HMCN1: variants seen among roughly 807,000 people sequenced by gnomAD.
The protein encoded by HMCN1 is hemicentin 1, also known as hemicentin-1.
A neutral mutation model predicts 625.9 loss-of-function variants in HMCN1; 321 were observed. The ratio of observed to expected loss-of-function variants is 0.51; its 90% CI spans 0.47 to 0.56. The LOEUF (loss-of-function observed/expected upper bound fraction) is 0.56, where lower values mean the gene tolerates loss of function less well. HMCN1 is among the 20% of genes least tolerant of loss of function. The probability of loss-of-function intolerance (pLI) is 0.00; values close to 1 mark genes in which losing one functional copy is unlikely to be tolerated. For missense variants in HMCN1, 6,588 were observed against 6,887.3 expected (o/e 0.96, Z 1.54); for synonymous variants, 2,425 against 2,417.6 (o/e 1.00, Z -0.09).
chr1:186,085,888 C>T (rs1031282664), intron 57 of HMCN1, among the ~76,000 whole-genome samples: 1 of 152,112 alleles, frequency 6.6e-6, no homozygotes, highest in Non-Finnish European at 1.5e-5. Flanking sequence ...TCCTTCTCTA[C>T]AGCACTTAAG....
intron 1 of HMCN1, among the ~76,000 whole-genome samples, chr1:185,778,301 A>G (rs1656767320): frequency 6.6e-6 from 1 of 151,946 alleles, no homozygotes; most frequent in South Asian, 2.1e-4. Flanking sequence ...TTCTCTATGA[A>G]GGCTTCCCAT....
At chr1:186,116,740 G>A (rs1661153394) in intron 75 of HMCN1, among the ~76,000 whole-genome samples, 2 of 152,064 alleles carry the variant, frequency 1.3e-5, no homozygotes, top group South Asian at 4.1e-4. Flanking sequence ...GAGAATGTAA[G>A]ATTCCCTCTT....
In HMCN1 at chr1:185,977,862, T is replaced by C. The variant is rs1373025751; in HGVS notation, c.2447T>C (p.Val816Ala). 3.3e-5 allele frequency: 54 copies of C among 1,613,132 alleles called. No homozygotes were observed. The highest frequency in any genetic ancestry group is 4.3e-5 in the Non-Finnish European group (51 of 1,179,414). The change falls in exon 16 of 107, where the codon GTT becomes GCT. Residue 816 changes from valine (V) to alanine (A), a missense_variant. Physicochemically the swap from Val to Ala is moderately conservative, Grantham distance 64. Around this residue, in one of 3 missense-constraint regions of HMCN1, gnomAD observed 4,628 missense variants for 4,853.1 expected, o/e 0.95. Transcript: ENST00000271588. ...TCAAATGTGACATTACCTTGTTATGTTCAGGGTTATCCAGAACCAACAATC... is the reference window on the plus strand; with the variant it reads ...TCAAATGTGACATTACCTTGTTATGCTCAGGGTTATCCAGAACCAACAATC... ...IGSNVTLPCY[V>A]QGYPEPTIKW...
At position 186,015,310 on chromosome 1, in the gene HMCN1, A is replaced by G. The variant is rs78613732; in HGVS notation, c.4782A>G (p.Ala1594=). 4.3e-4 allele frequency: 700 copies of G among 1,613,842 alleles called. 4 individuals are homozygous for G. In the African/African-American group the frequency reaches 8.0e-3, roughly 18 times the overall value. ...DGQPIMSSSQ[A]LYIDKGQYLH... is the part of the protein sequence containing the mutation. Reference sequence around the variant, plus strand: ...AGCCAATCATGTCCAGCTCACAAGCACTTTATATTGATAAAGGACAATATC... The same window carrying G: ...AGCCAATCATGTCCAGCTCACAAGCGCTTTATATTGATAAAGGACAATATC... The change falls in exon 31 of 107, where the codon GCA becomes GCG. Residue 1594 remains alanine, a synonymous_variant. Transcript: ENST00000271588.
rs534733181 is a variant in HMCN1, at chr1:185,866,451, C to T, written c.621+588C>T. Among the ~76,000 whole-genome samples, 4 of 130,824 alleles carry T rather than the reference C, an allele frequency of 3.1e-5. No homozygotes were observed. The South Asian group carries it at 9.6e-4, about 31-fold the overall frequency. 85.8% of individuals were successfully genotyped at this position (130,824 alleles called of 152,430 possible). On this transcript the variant is annotated intron_variant, in intron 4 of 106. Coordinates refer to ENST00000271588, the MANE Select transcript of HMCN1 (RefSeq NM_031935.3). ...GTGAAGTCTCGCTCTGTCACCTAGG[C>T]TGGAGTGCAGTGGCACAATCTCAGC...
chr1:186,071,020 T>C (rs1209292707), intron 52 of HMCN1, among the ~76,000 whole-genome samples: 2 of 152,216 alleles, frequency 1.3e-5, no homozygotes, highest in African/African-American at 4.8e-5. Flanking sequence ...TTAATTAATA[T>C]ACAATTGTAA....
intron 4 of HMCN1, among the ~76,000 whole-genome samples, chr1:185,886,867 G>A (rs1181897225): frequency 6.6e-6 from 1 of 152,052 alleles, no homozygotes; most frequent in African/African-American, 2.4e-5. Flanking sequence ...CAGTTGAATG[G>A]TGTCCAAATA....
At chr1:186,089,083 A>G (rs1025069663) in intron 63 of HMCN1, among the ~76,000 whole-genome samples, 1 of 152,014 alleles carries the variant, frequency 6.6e-6, no homozygotes, top group Non-Finnish European at 1.5e-5. Flanking sequence ...TGGTAAGCCT[A>G]TAGATCTGTT....
At chr1:185,802,010 G>T (rs550965505) in intron 1 of HMCN1, among the ~76,000 whole-genome samples, 1 of 152,286 alleles carries the variant, frequency 6.6e-6, no homozygotes, top group East Asian at 1.9e-4. Context: ...TGGAAGAAAT[G>T]TTAGGGCTCT....
In HMCN1 at chr1:186,121,636, A is replaced by T. The variant is rs571775643; in HGVS notation, c.12230-1315A>T. On this transcript the variant is annotated intron_variant, in intron 80 of 106. Transcript: ENST00000271588. Reference sequence around the variant, plus strand: ...ACCATGATTTCTGTTTAATTTTATTAAATATGGGAAACTATTAGAAATCCT... The same window carrying T: ...ACCATGATTTCTGTTTAATTTTATTTAATATGGGAAACTATTAGAAATCCT... Among the ~76,000 whole-genome samples the T allele has an allele frequency of 3.9e-5, 6 of 152,300 alleles. No homozygotes were observed. The South Asian group carries it at 1.0e-3, about 26-fold the overall frequency.
At chr1:186,132,243 CAA>C in intron 85 of HMCN1, 83 bp from the exon 86 acceptor site, 1 of 923,222 alleles carries the variant, frequency 1.1e-6, no homozygotes, top group Non-Finnish European at 1.7e-6. Context: ...AATGAAATTT[CAA>C]ATAAACTAGC....
chr1:186,060,603 T>C (rs1296390062), intron 46 of HMCN1, among the ~76,000 whole-genome samples: 1 of 152,136 alleles, frequency 6.6e-6, no homozygotes, highest in Non-Finnish European at 1.5e-5. Flanking sequence ...GTTACATAGA[T>C]GTTCAAAATA....
At chr1:185,981,699 G>A (rs1243006622) in intron 17 of HMCN1, among the ~76,000 whole-genome samples, 1 of 151,780 alleles carries the variant, frequency 6.6e-6, no homozygotes, top group Non-Finnish European at 1.5e-5. Flanking sequence ...CTACATACAC[G>A]TTTTCCAAGT....
intron 97 of HMCN1, among the ~76,000 whole-genome samples, chr1:186,160,399 G>GT (rs552642881): frequency 1.5e-5 from 2 of 136,600 alleles, no homozygotes; most frequent in African/African-American, 5.8e-5. Flanking sequence ...TTTTTGAAGG[G>GT]TTTTTTGTGT....
intron 20 of HMCN1, 146 bp from the exon 21 acceptor site, chr1:185,989,342 T>C (rs747495772): frequency 1.5e-5 from 14 of 955,028 alleles, no homozygotes; most frequent in Non-Finnish European, 2.1e-5. Context: ...AATAACTTTT[T>C]TCAAGTTAGC....
Position 186,037,975 on chromosome 1 carries a change from A to C in HMCN1, c.5791A>C (p.Thr1931Pro). 1 of 1,613,336 alleles carries C rather than the reference A, an allele frequency of 6.2e-7. No individual in the cohort carries two copies. Among genetic ancestry groups the C allele is most frequent in the South Asian group, 1.1e-5 (1 of 91,066 alleles). The change falls in exon 37 of 107, where the codon ACT becomes CCT. Residue 1931 changes from threonine (T) to proline (P), a missense_variant. Thr to Pro is a conservative substitution (Grantham distance 38, BLOSUM62 -1). Coordinates refer to ENST00000271588, the MANE Select transcript of HMCN1 (RefSeq NM_031935.3). The part of the protein sequence containing the change: ...LEDAGKMLNE[T>P]VLVSNPVQLE... ...AGATGCTGGAAAAATGCTGAATGAG[A>C]CTGTGTTGGTGAGCAACCCTGTACA...
intron 1 of HMCN1, among the ~76,000 whole-genome samples, chr1:185,748,513 T>C (rs1324240461): frequency 3.9e-5 from 6 of 152,234 alleles, no homozygotes; most frequent in African/African-American, 4.8e-5. Flanking sequence ...TTGTATGTTA[T>C]GGACTTAATT....
At position 185,962,797 on chromosome 1, in the gene HMCN1, G is replaced by A. The variant is rs1650123636; in HGVS notation, c.1970+138G>A. The A allele has an allele frequency of 8.9e-6, 6 of 670,524 alleles. No homozygotes were observed. The East Asian group carries it at 1.5e-4, about 17-fold the overall frequency. 41.5% of individuals were successfully genotyped at this position (670,524 alleles called of 1,614,324 possible). A position where few individuals can be genotyped will look rare whatever the true frequency, so the allele number is the denominator to read the frequency against. On this transcript the variant is annotated intron_variant, in intron 12 of 106. Transcript: ENST00000271588. Reference sequence around the variant, plus strand: ...ACTTAGCTTTACATTTTCTAAACAGGCTATGAATGTCAAAAATAATATAAA... The same window carrying A: ...ACTTAGCTTTACATTTTCTAAACAGACTATGAATGTCAAAAATAATATAAA...
chr1:186,050,954 C>T (rs1656909719), intron 42 of HMCN1, among the ~76,000 whole-genome samples: 1 of 151,950 alleles, frequency 6.6e-6, no homozygotes, highest in Non-Finnish European at 1.5e-5. Context: ...TGTAGAAAAG[C>T]ATATGAGACA....
Sources: gnomAD v4.1 joint callset for allele counts (sites outside exome capture counted in the v4.1 genomes callset) on GRCh38, gnomAD v4.1.1 for gene constraint, gnomAD v4.1.1 regional missense constraint, MANE v1.5 for transcripts, NCBI Gene and HGNC (gene_info 2026-07-23, HGNC 2026-07-21) for gene names.